TACR1: variants seen among roughly 807,000 people sequenced by gnomAD.
TACR1 encodes the protein tachykinin receptor 1.
Under a neutral mutation model 35.8 loss-of-function variants are expected in TACR1, and 25 were observed. That is an observed-to-expected ratio of 0.70 (90% CI 0.51 to 0.98). The LOEUF is 0.98. Ranked by LOEUF, TACR1 falls within the 50% of genes least tolerant of loss-of-function variation. TACR1 has a pLI of 0.00. For synonymous variants in TACR1, 195 were observed against 206.7 expected, an observed-to-expected ratio of 0.94 and a Z score of 0.48; for missense variants, 478 against 522.9, an observed-to-expected ratio of 0.91 and a Z score of 0.84.
At chr2:75,135,776 C>T (rs2103937757) in intron 1 of TACR1, among the ~76,000 whole-genome samples, 1 of 152,270 alleles carries the variant, frequency 6.6e-6, no homozygotes, top group South Asian at 2.1e-4. Flanking sequence ...GGGGCACTAA[C>T]ACCCAGCAGC....
chr2:75,155,364 T>A (rs1413576272), intron 1 of TACR1, among the ~76,000 whole-genome samples: 3 of 152,100 alleles, frequency 2.0e-5, no homozygotes, highest in Non-Finnish European at 4.4e-5. Context: ...TCTTTCTGCC[T>A]CTCTTCTCCT....
intron 2 of TACR1, among the ~76,000 whole-genome samples, chr2:75,055,955 A>G (rs1672561182): frequency 6.6e-6 from 1 of 152,238 alleles, no homozygotes; most frequent in South Asian, 2.1e-4. Context: ...TCAACCGCAA[A>G]TGTAAAAGAG....
intron 1 of TACR1, among the ~76,000 whole-genome samples, chr2:75,182,229 A>G (rs1015842510): frequency 1.3e-5 from 2 of 152,162 alleles, no homozygotes; most frequent in African/African-American, 4.8e-5. Flanking sequence ...TCAGGAAGAG[A>G]CGCTCAACCT....
chr2:75,087,166 A>G (rs1270437893), intron 2 of TACR1, among the ~76,000 whole-genome samples: 2 of 152,246 alleles, frequency 1.3e-5, no homozygotes, highest in Non-Finnish European at 2.9e-5. Context: ...CTATGGATAT[A>G]TAGGTTCAAC....
At chr2:75,144,075 G>T (rs1465998457) in intron 1 of TACR1, among the ~76,000 whole-genome samples, 1 of 152,156 alleles carries the variant, frequency 6.6e-6, no homozygotes, top group African/African-American at 2.4e-5. Flanking sequence ...TAGTTTCCAC[G>T]ATCATGGGGA....
At position 75,051,233 on chromosome 2, in the gene TACR1, TG is replaced by T; in HGVS notation, c.932+17del. 1 of 1,614,062 alleles carries T rather than the reference TG, an allele frequency of 6.2e-7. No homozygotes were observed. The highest frequency in any genetic ancestry group is 8.5e-7 in the Non-Finnish European group (1 of 1,179,994). ...GGTCTTGTGGCCCCTGGAGAGCTCATGGGGTTGGGATCCTCACCTGTCATTG... is the reference window on the plus strand; with the variant it reads ...GGTCTTGTGGCCCCTGGAGAGCTCATGGGTTGGGATCCTCACCTGTCATTG... On this transcript the variant is annotated intron_variant, in intron 4 of 4. Transcript: ENST00000305249.
intron 4 of TACR1, 38 bp from the exon 5 acceptor site, chr2:75,049,761 C>A: frequency 6.3e-7 from 1 of 1,587,554 alleles, no homozygotes; most frequent in Non-Finnish European, 8.6e-7. Flanking sequence ...CCCTTTGGGA[C>A]GGCCTGCTCA....
chr2:75,160,122 G>T (rs999567762), intron 1 of TACR1, among the ~76,000 whole-genome samples: 6 of 152,082 alleles, frequency 3.9e-5, no homozygotes, highest in African/African-American at 1.4e-4. Context: ...AAAGAGAAAA[G>T]AATTGTACCA....
At chr2:75,132,301 C>G (rs1162857125) in intron 1 of TACR1, among the ~76,000 whole-genome samples, 1 of 152,178 alleles carries the variant, frequency 6.6e-6, no homozygotes, top group Admixed American at 6.5e-5. Context: ...TCTCTTAAAT[C>G]TAACCTTCTG....
chr2:75,109,715 A>C (rs906669510), intron 2 of TACR1, among the ~76,000 whole-genome samples: 1 of 152,228 alleles, frequency 6.6e-6, no homozygotes, highest in Non-Finnish European at 1.5e-5. Context: ...TACTGCTTTC[A>C]AATAAAAACA....
At chr2:75,172,477 C>T (rs1397382308) in intron 1 of TACR1, among the ~76,000 whole-genome samples, 3 of 152,062 alleles carry the variant, frequency 2.0e-5, no homozygotes, top group South Asian at 2.1e-4. Context: ...GGCTGTCCCC[C>T]GTCTAGGCAG....
intron 1 of TACR1, chr2:75,154,505 C>CACACACACACACACACACACACACACAG (rs1553381000): frequency 1.7e-4 from 22 of 131,382 alleles, no homozygotes; most frequent in African/African-American, 6.8e-4. Context: ...CACACACACA[C>CACACACACACACACACACACACACACAG]ACACACACAC....
intron 2 of TACR1, among the ~76,000 whole-genome samples, chr2:75,110,865 A>C (rs1034030373): frequency 1.3e-5 from 2 of 152,030 alleles, no homozygotes; most frequent in Non-Finnish European, 2.9e-5. Context: ...AATCAACTAC[A>C]CATTTGAAAA....
intron 1 of TACR1, among the ~76,000 whole-genome samples, chr2:75,162,485 A>G (rs1675035239): frequency 6.6e-6 from 1 of 152,202 alleles, no homozygotes. Context: ...TAGTTCTTCT[A>G]TTTTAGGAAA....
chr2:75,193,296 G>A (rs1267380630), intron 1 of TACR1, among the ~76,000 whole-genome samples: 1 of 152,190 alleles, frequency 6.6e-6, no homozygotes, highest in African/African-American at 2.4e-5. Context: ...CACACAGTAA[G>A]TGCTCAATAG....
At chr2:75,085,421 T>G (rs139097742) in intron 2 of TACR1, among the ~76,000 whole-genome samples, 1 of 152,310 alleles carries the variant, frequency 6.6e-6, no homozygotes, top group East Asian at 1.9e-4. Flanking sequence ...ATTGGTCTGT[T>G]ACTGCGCAAT....
At chr2:75,117,909 T>C (rs1673896281) in intron 2 of TACR1, among the ~76,000 whole-genome samples, 2 of 152,224 alleles carry the variant, frequency 1.3e-5, no homozygotes, top group South Asian at 4.1e-4. Flanking sequence ...TTTCCCACCA[T>C]TGTAAAGTTG....
In TACR1 at chr2:75,079,230, T is replaced by A. The variant is rs149340791; in HGVS notation, c.585-25475A>T. 3.2e-3 allele frequency among the ~76,000 whole-genome samples: 480 copies of A among 152,264 alleles called. 3 individuals carry two copies. Among genetic ancestry groups the A allele is most frequent in the African/African-American group, 9.7e-3 (404 of 41,556 alleles). ...TCTTCCATGTGACAGCTTTTCACTC[T>A]CTCTTTCATATACTTCCCTTCCTGT... On this transcript the variant is annotated intron_variant, in intron 2 of 4. Coordinates refer to ENST00000305249, the MANE Select transcript of TACR1 (RefSeq NM_001058.4).
chr2:75,136,442 G>T (rs1256071332), intron 1 of TACR1, among the ~76,000 whole-genome samples: 1 of 152,174 alleles, frequency 6.6e-6, no homozygotes, highest in Non-Finnish European at 1.5e-5. Context: ...TGACAGGTAT[G>T]CACTTTTGGC....
Sources: allele counts gnomAD v4.1 joint callset (sites outside exome capture counted in the v4.1 genomes callset), GRCh38; gene constraint gnomAD v4.1.1; transcripts MANE v1.5; gene names NCBI Gene and HGNC (gene_info 2026-07-23, HGNC 2026-07-21).